The following SLC4A5 variants were observed in gnomAD, a reference collection of about 807,000 sequenced individuals.
The protein encoded by SLC4A5 is solute carrier family 4 member 5.
In SLC4A5, 96 loss-of-function variants were observed where a neutral mutation model predicts 120.4. The ratio of observed to expected loss-of-function variants is 0.80; its 90% CI spans 0.68 to 0.94. The LOEUF (loss-of-function observed/expected upper bound fraction) is 0.94, where lower values mean the gene tolerates loss of function less well. Ranked by LOEUF, SLC4A5 falls within the 40% of genes least tolerant of loss-of-function variation. The probability of loss-of-function intolerance (pLI) is 0.00; values close to 1 mark genes in which losing one functional copy is unlikely to be tolerated. For synonymous variants in SLC4A5, 550 were observed against 571.1 expected (o/e 0.96, Z 0.53); for missense variants, 1,259 against 1,459.5 (o/e 0.86, Z 2.24).
At chr2:74,277,134 C>A (rs531415328) in intron 8 of SLC4A5, among the ~76,000 whole-genome samples, 2 of 152,164 alleles carry the variant, frequency 1.3e-5, no homozygotes, top group Non-Finnish European at 2.9e-5. Context: ...AACCTCCTGA[C>A]GATGACAGTG....
chr2:74,255,645 T>A lies in SLC4A5; in HGVS notation c.1025+130A>T. On this transcript the variant is annotated intron_variant, in intron 13 of 30. Coordinates refer to ENST00000394019, the Ensembl canonical transcript of SLC4A5. The surrounding 1 kb of genome is among the most constrained non-coding windows in gnomAD (Gnocchi z 4.0). ...TAAAACTCTTCCCTAGTCAGAAGAT[T>A]TCCCTTCCCAGCAGCCTCCACGTTT... is the stretch of plus-strand genomic sequence containing the variant. The A allele has an allele frequency of 9.2e-7, 1 of 1,090,124 alleles. No homozygotes were observed. 67.5% of individuals were successfully genotyped at this position (1,090,124 alleles called of 1,614,324 possible). A position where few individuals can be genotyped will look rare whatever the true frequency, so the allele number is the denominator to read the frequency against.
intron 21 of SLC4A5, among the ~76,000 whole-genome samples, chr2:74,237,133 C>T (rs182852753): frequency 2.3e-4 from 35 of 152,156 alleles, no homozygotes; most frequent in South Asian, 1.7e-3. Flanking sequence ...CCCACCACAA[C>T]GCCCGGCCAA....
intron 5 of SLC4A5, among the ~76,000 whole-genome samples, chr2:74,322,077 T>C (rs1284026641): frequency 6.6e-6 from 1 of 151,892 alleles, no homozygotes; most frequent in Non-Finnish European, 1.5e-5. Flanking sequence ...AGGTGACAGG[T>C]ATGAAGACCA....
At chr2:74,267,585 T>G (rs1671344581) in intron 8 of SLC4A5, among the ~76,000 whole-genome samples, 1 of 152,200 alleles carries the variant, frequency 6.6e-6, no homozygotes, top group South Asian at 2.1e-4. Flanking sequence ...AGCAAAAGTT[T>G]TGGAGGGATC....
intron 14 of SLC4A5, among the ~76,000 whole-genome samples, chr2:74,253,439 T>C (rs1670856395): frequency 1.3e-5 from 2 of 152,228 alleles, no homozygotes; most frequent in Admixed American, 1.3e-4. Context: ...TTAGAAAACC[T>C]TTGTAGAGCC....
At position 74,227,597 on chromosome 2, in the gene SLC4A5, T is replaced by C. The variant is rs775903339; in HGVS notation, c.2916+213A>G. The stretch of plus-strand genomic sequence containing the variant: ...ATGGGGATCAGAGGACCTAATTACA[T>C]AGATTCAATTATATGAGGCCTATGA... On this transcript the variant is annotated intron_variant, in intron 26 of 30. Coordinates refer to ENST00000394019, the Ensembl canonical transcript of SLC4A5. 7 of 1,526,038 alleles carry C rather than the reference T, an allele frequency of 4.6e-6. No individual in the cohort carries two copies. The African/African-American group carries it at 6.9e-5, about 15-fold the overall frequency. 94.5% of individuals were successfully genotyped at this position (1,526,038 alleles called of 1,614,324 possible).
At chr2:74,342,895 C>T (rs1673657207) in intron 1 of SLC4A5, among the ~76,000 whole-genome samples, 1 of 152,108 alleles carries the variant, frequency 6.6e-6, no homozygotes, top group East Asian at 1.9e-4. Context: ...CCATAGGTAA[C>T]CCTTATTGAA....
intron 7 of SLC4A5, 106 bp downstream of exon 7, chr2:74,304,383 G>A: frequency 1.7e-6 from 2 of 1,195,560 alleles, no homozygotes; most frequent in Non-Finnish European, 1.2e-6. Context: ...GCTGAGCCAT[G>A]TGGAGCGTTA....
At chr2:74,304,358 G>T (rs886346870) in intron 7 of SLC4A5, 131 bp downstream of exon 7, 1 of 918,614 alleles carries the variant, frequency 1.1e-6, no homozygotes, top group Non-Finnish European at 1.6e-6. Flanking sequence ...GAGCAGAGGG[G>T]GCCAGAGAGG....
intron 4 of SLC4A5, among the ~76,000 whole-genome samples, chr2:74,331,172 TAGTG>T (rs1278843269): frequency 6.9e-6 from 1 of 145,476 alleles, no homozygotes; most frequent in Non-Finnish European, 1.5e-5. Context: ...TAAATGGAGG[TAGTG>T]AGGTCTAGAT....
At chr2:74,314,847 G>T in intron 6 of SLC4A5, 98 bp downstream of exon 6, 1 of 1,121,884 alleles carries the variant, frequency 8.9e-7, no homozygotes, top group Non-Finnish European at 1.4e-6. Context: ...AAAGGGACCT[G>T]CTCCCTAGAC....
At chr2:74,236,057 TA>T (rs764413548) in intron 21 of SLC4A5, among the ~76,000 whole-genome samples, 7 of 152,224 alleles carry the variant, frequency 4.6e-5, no homozygotes, top group Non-Finnish European at 1.0e-4. Flanking sequence ...TGTAATTGGT[TA>T]AAAACCCACA....
At chr2:74,339,754 A>G (rs534509108) in intron 2 of SLC4A5, 4 of 152,402 alleles carry the variant, frequency 2.6e-5, no homozygotes, top group East Asian at 3.9e-4. Flanking sequence ...CCCAATGTGC[A>G]TATCAGCATT....
chr2:74,290,162 A>G (rs1672111992), intron 7 of SLC4A5: 1 of 985,496 alleles, frequency 1.0e-6, no homozygotes, highest in Admixed American at 6.1e-5. Flanking sequence ...AGGCCAGACA[A>G]GAAGGCAAAT....
At chr2:74,331,526 G>A (rs1255268360) in intron 4 of SLC4A5, among the ~76,000 whole-genome samples, 1 of 151,864 alleles carries the variant, frequency 6.6e-6, no homozygotes. Flanking sequence ...AAATGTGGAA[G>A]AACCTGTCCT....
chr2:74,317,957 C>T (rs531481306), intron 5 of SLC4A5, among the ~76,000 whole-genome samples: 12 of 152,212 alleles, frequency 7.9e-5, no homozygotes, highest in African/African-American at 2.9e-4. Flanking sequence ...CCAAAACAAA[C>T]AGGAAAAGAA....
intron 4 of SLC4A5, among the ~76,000 whole-genome samples, chr2:74,332,160 T>C (rs13390238): frequency 0.039 from 5,957 of 152,284 alleles, 400 homozygotes; most frequent in African/African-American, 0.14. Flanking sequence ...CATTTGATTC[T>C]AAGCACAGAG....
intron 7 of SLC4A5, among the ~76,000 whole-genome samples, chr2:74,303,507 G>A (rs922450551): frequency 4.6e-5 from 7 of 152,192 alleles, no homozygotes; most frequent in Non-Finnish European, 8.8e-5. Flanking sequence ...CACGTCCCCA[G>A]AAACATCAGT....
chr2:74,287,186 C>T (rs1441440104), intron 7 of SLC4A5, among the ~76,000 whole-genome samples: 1 of 152,194 alleles, frequency 6.6e-6, no homozygotes, highest in Non-Finnish European at 1.5e-5. Flanking sequence ...TGGACCTCTA[C>T]TCTTTTCTTC....
Sources: gnomAD v4.1 joint callset for allele counts (sites outside exome capture counted in the v4.1 genomes callset) on GRCh38, gnomAD v4.1.1 for gene constraint, Gnocchi (gnomAD v3.1) non-coding constraint, MANE v1.5 for transcripts, NCBI Gene and HGNC (gene_info 2026-07-23, HGNC 2026-07-21) for gene names.